Variants in B4GALNT3 observed in about 807,000 individuals in gnomAD.
The protein encoded by B4GALNT3 is beta-1,4-N-acetylgalactosaminyltransferase 3.
B4GALNT3 carries 86 observed loss-of-function variants against 120.2 expected under a neutral mutation model. The ratio of observed to expected loss-of-function variants is 0.72; its 90% CI spans 0.60 to 0.86. The LOEUF (loss-of-function observed/expected upper bound fraction) is 0.86, where lower values mean the gene tolerates loss of function less well. Ranked by LOEUF, B4GALNT3 falls within the 40% of genes least tolerant of loss-of-function variation. The pLI is 0.00. For missense variants in B4GALNT3, 1,167 were observed against 1,298.9 expected (o/e 0.90, Z 1.56); for synonymous variants, 518 against 510.4 (o/e 1.01, Z -0.20).
chr12:559,423 T>C lies in B4GALNT3; in HGVS notation c.2888+2T>C. 1 of 1,613,090 alleles carries C rather than the reference T, an allele frequency of 6.2e-7. No homozygotes were observed. Among genetic ancestry groups the C allele is most frequent in the Non-Finnish European group, 8.5e-7 (1 of 1,179,498 alleles). On this transcript the variant is annotated splice_donor_variant, in intron 19 of 19. Coordinates refer to ENST00000266383, the MANE Select transcript of B4GALNT3 (RefSeq NM_173593.4). LOFTEE classifies it high-confidence loss of function. ...GGAAGACTGGGAGCTGCTGGACAGG[T>C]GACTGGGAAGAGGAGGGCATCCACG...
chr12:560,576 G>A (rs1343558442), intron 19 of B4GALNT3, among the ~76,000 whole-genome samples: 2 of 152,170 alleles, frequency 1.3e-5, no homozygotes, highest in Non-Finnish European at 2.9e-5. Flanking sequence ...AAGAGAATTC[G>A]AGTGAAAAGG....
In B4GALNT3 at chr12:553,131, G is replaced by C. The variant is rs903540541; in HGVS notation, c.1271-63G>C. On this transcript the variant is annotated intron_variant, in intron 13 of 19. Transcript: ENST00000266383. ...CACACGTATGATCATCCTCTGTCTT[G>C]TATGTCTTGTTTGGAAAGGGTTGGA... 3 of 1,580,322 alleles carry C rather than the reference G, an allele frequency of 1.9e-6. No individual in the cohort carries two copies. In the African/African-American group the frequency reaches 4.0e-5, roughly 21 times the overall value.
At chr12:485,729 T>C (rs1214395496) in intron 1 of B4GALNT3, among the ~76,000 whole-genome samples, 1 of 152,210 alleles carries the variant, frequency 6.6e-6, no homozygotes, top group Non-Finnish European at 1.5e-5. Flanking sequence ...ATATAAATTA[T>C]ACTTTAAAAA....
Position 497,580 on chromosome 12 carries a change from G to T in B4GALNT3, c.169+37035G>T, listed in dbSNP as rs562548174. 2.6e-5 allele frequency among the ~76,000 whole-genome samples: 4 copies of T among 152,328 alleles called. No homozygotes were observed. In the East Asian group the frequency reaches 7.7e-4, roughly 29 times the overall value. Reference sequence around the variant, plus strand: ...GAATAATGCTGCTATAAACACTGGTGTACAAATATTTGTTTGAATATCTGT... The same window carrying T: ...GAATAATGCTGCTATAAACACTGGTTTACAAATATTTGTTTGAATATCTGT... On this transcript the variant is annotated intron_variant, in intron 1 of 19. Transcript: ENST00000266383.
At chr12:518,774 A>G (rs942186139) in intron 1 of B4GALNT3, among the ~76,000 whole-genome samples, 8 of 152,224 alleles carry the variant, frequency 5.3e-5, no homozygotes, top group African/African-American at 1.9e-4. Flanking sequence ...GCAGTTACAT[A>G]GCATTGTAAA....
At chr12:517,507 C>T (rs1946669238) in intron 1 of B4GALNT3, among the ~76,000 whole-genome samples, 1 of 152,024 alleles carries the variant, frequency 6.6e-6, no homozygotes, top group Non-Finnish European at 1.5e-5. Flanking sequence ...TTGGAGGTGG[C>T]CCTGTAAAAT....
chr12:527,148 G>A (rs1023922192), intron 1 of B4GALNT3, among the ~76,000 whole-genome samples: 2 of 152,006 alleles, frequency 1.3e-5, no homozygotes, highest in South Asian at 2.1e-4. Flanking sequence ...GGCTGGTCTC[G>A]AACTCTTGAA....
chr12:526,479 C>T lies in B4GALNT3; in HGVS notation c.170-8687C>T, dbSNP rs908823045. The stretch of plus-strand genomic sequence containing the variant: ...CTGACCTGAGGGATCCTGGAAGCAC[C>T]TCTGTGGCCCTTCGCTAGGTCCATG... On this transcript the variant is annotated intron_variant, in intron 1 of 19. Coordinates refer to ENST00000266383, the MANE Select transcript of B4GALNT3 (RefSeq NM_173593.4). Among the ~76,000 whole-genome samples the T allele has an allele frequency of 3.9e-5, 6 of 152,320 alleles. No homozygotes were observed. In the East Asian group the frequency reaches 1.2e-3, roughly 29 times the overall value.
At chr12:463,683 T>C (rs963101349) in intron 1 of B4GALNT3, among the ~76,000 whole-genome samples, 2 of 152,248 alleles carry the variant, frequency 1.3e-5, no homozygotes, top group African/African-American at 4.8e-5. Flanking sequence ...TCCCAACTAA[T>C]ATTTCATGGA....
intron 1 of B4GALNT3, among the ~76,000 whole-genome samples, chr12:513,249 G>T (rs996520476): frequency 4.6e-5 from 7 of 151,344 alleles, no homozygotes. Context: ...AAAGAACAAA[G>T]AATTGAGGGC....
At chr12:543,168 T>A in intron 3 of B4GALNT3, 1 of 1,289,592 alleles carries the variant, frequency 7.8e-7, no homozygotes, top group Non-Finnish European at 1.0e-6. Flanking sequence ...GCAGACCTTG[T>A]CCCCAAGGCC....
intron 1 of B4GALNT3, among the ~76,000 whole-genome samples, chr12:506,274 A>G (rs1946496047): frequency 6.6e-6 from 1 of 152,202 alleles, no homozygotes; most frequent in Non-Finnish European, 1.5e-5. Context: ...ATCATTTTAT[A>G]ACTAAGAAAA....
At position 548,249 on chromosome 12, in the gene B4GALNT3, G is replaced by A. The variant is rs141391152; in HGVS notation, c.805G>A (p.Gly269Arg). Reference protein sequence around the residue: ...VEVAWRRNDPGAKFTIIDSLS... With the variant: ...VEVAWRRNDPRAKFTIIDSLS... ...CTTCCAGTGGCGACGGAACGACCCT[G>A]GAGCCAAGTTCACCATCATTGACTC... The change falls in exon 9 of 20, where the codon GGA becomes AGA. Residue 269 changes from glycine (G) to arginine (R), a missense_variant. By Grantham distance (125) the Gly-to-Arg change is moderately radical (BLOSUM62 -2). Coordinates refer to ENST00000266383, the MANE Select transcript of B4GALNT3 (RefSeq NM_173593.4). The surrounding 1 kb of genome is among the most constrained non-coding windows in gnomAD (Gnocchi z 4.9). The A allele has an allele frequency of 5.0e-6, 8 of 1,614,088 alleles. No individual in the cohort carries two copies. In the East Asian group the frequency reaches 1.8e-4, roughly 36 times the overall value.
At chr12:469,751 A>G (rs922867352) in intron 1 of B4GALNT3, among the ~76,000 whole-genome samples, 1 of 152,202 alleles carries the variant, frequency 6.6e-6, no homozygotes, top group African/African-American at 2.4e-5. Context: ...ACCCCTGTGT[A>G]CACACTGGGA....
At chr12:553,106 C>G in intron 13 of B4GALNT3, 88 bp from the exon 14 acceptor site, 2 of 1,538,996 alleles carry the variant, frequency 1.3e-6, no homozygotes, top group Non-Finnish European at 1.8e-6. Context: ...CATGGTGCGT[C>G]ACACGTATGA....
chr12:516,284 G>T (rs1946654898), intron 1 of B4GALNT3, among the ~76,000 whole-genome samples: 2 of 130,130 alleles, frequency 1.5e-5, no homozygotes, highest in Admixed American at 1.5e-4. Flanking sequence ...TACAGAGTTA[G>T]AAAGAGAGTG....
intron 1 of B4GALNT3, among the ~76,000 whole-genome samples, chr12:521,353 G>A (rs1249075945): frequency 6.6e-6 from 1 of 152,180 alleles, no homozygotes; most frequent in Admixed American, 6.5e-5. Flanking sequence ...CCTAAGCAGA[G>A]ACACACTGAG....
chr12:514,198 G>GTTTT (rs56697824), intron 1 of B4GALNT3, among the ~76,000 whole-genome samples: 1 of 117,856 alleles, frequency 8.5e-6, no homozygotes, highest in Non-Finnish European at 1.7e-5. Flanking sequence ...GTCCGTTTTT[G>GTTTT]TTTTTTTTTT....
At chr12:543,025 G>C in intron 3 of B4GALNT3, 1 of 1,035,346 alleles carries the variant, frequency 9.7e-7, no homozygotes, top group Non-Finnish European at 1.3e-6. Context: ...AACCCCAGCC[G>C]GCTCCTCCTA....
Sources: gnomAD v4.1 joint callset for allele counts (sites outside exome capture counted in the v4.1 genomes callset) on GRCh38, gnomAD v4.1.1 for gene constraint, Gnocchi (gnomAD v3.1) non-coding constraint, MANE v1.5 for transcripts, NCBI Gene and HGNC (gene_info 2026-07-23, HGNC 2026-07-21) for gene names.